CHRM5: variants seen among roughly 807,000 people sequenced by gnomAD.
CHRM5 encodes the protein muscarinic acetylcholine receptor M5.
In CHRM5, 18 loss-of-function variants were observed where a neutral mutation model predicts 39.0. The ratio of observed to expected loss-of-function variants is 0.46; its 90% CI spans 0.32 to 0.68. The LOEUF (loss-of-function observed/expected upper bound fraction) is 0.68, where lower values mean the gene tolerates loss of function less well. Ranked by LOEUF, CHRM5 falls within the 30% of genes least tolerant of loss-of-function variation. The pLI is 0.04. For synonymous variants in CHRM5, 241 were observed against 246.3 expected (o/e 0.98, Z 0.20); for missense variants, 515 against 651.1 (o/e 0.79, Z 2.28).
At position 34,003,336 on chromosome 15, in the gene CHRM5, T is replaced by A. The variant is rs1597336869; in HGVS notation, c.-408+34186T>A. ...CAATAGACCAAGCTGTCTGAAGATA[T>A]TAAATATTATTTTAAGAGAATCACA... On this transcript the variant is annotated intron_variant, in intron 1 of 2. Coordinates refer to ENST00000383263, the MANE Select transcript of CHRM5 (RefSeq NM_012125.4). 3 of 759,658 alleles carry A rather than the reference T, an allele frequency of 3.9e-6. No homozygotes were observed. The East Asian group carries it at 8.1e-5, about 21-fold the overall frequency. The allele number at this position is 759,658 out of a possible 1,614,324, so 47.1% of individuals were successfully genotyped here. A position where few individuals can be genotyped will look rare whatever the true frequency, so the allele number is the denominator to read the frequency against.
At chr15:34,019,129 C>A (rs57559713) in intron 1 of CHRM5, among the ~76,000 whole-genome samples, 3,279 of 152,314 alleles carry the variant, frequency 0.022, 112 homozygotes, top group African/African-American at 0.073. Context: ...TCTAGCTAGA[C>A]AGAAAAGTTC....
At chr15:33,984,792 G>C (rs572207358) in intron 1 of CHRM5, among the ~76,000 whole-genome samples, 4 of 152,222 alleles carry the variant, frequency 2.6e-5, no homozygotes, top group African/African-American at 7.2e-5. Context: ...ACAAACGTTA[G>C]TAGCAAACAT....
chr15:34,034,446 TAAAAA>T (rs34205777), intron 1 of CHRM5, among the ~76,000 whole-genome samples: 1 of 143,722 alleles, frequency 7.0e-6, no homozygotes, highest in Non-Finnish European at 1.5e-5. Flanking sequence ...GTTTCTTTTT[TAAAAA>T]AAAAAAAAAA....
chr15:34,045,688 AT>A (rs780282689), intron 1 of CHRM5, among the ~76,000 whole-genome samples: 70 of 152,116 alleles, frequency 4.6e-4, no homozygotes, highest in Middle Eastern at 3.4e-3. Context: ...AGGTTCAGGC[AT>A]AAAGCTTCTC....
At chr15:33,982,049 T>C (rs566567665) in intron 1 of CHRM5, among the ~76,000 whole-genome samples, 10 of 151,566 alleles carry the variant, frequency 6.6e-5, no homozygotes, top group African/African-American at 2.4e-4. Context: ...TTTTTATTAG[T>C]AGAGACAAGA....
At chr15:34,010,786 ACTAATT>A (rs1163018127) in intron 1 of CHRM5, among the ~76,000 whole-genome samples, 1 of 152,218 alleles carries the variant, frequency 6.6e-6, no homozygotes, top group Non-Finnish European at 1.5e-5. Flanking sequence ...GAAAAATAAT[ACTAATT>A]CAGCCCATTT....
intron 1 of CHRM5, among the ~76,000 whole-genome samples, chr15:34,031,180 T>TTC (rs1898785327): frequency 7.1e-6 from 1 of 140,138 alleles, no homozygotes; most frequent in Non-Finnish European, 1.5e-5. Flanking sequence ...TTTTTTTTTT[T>TTC]TTTTTTTTTT....
chr15:34,005,273 T>C (rs1211764771), intron 1 of CHRM5, among the ~76,000 whole-genome samples: 1 of 152,192 alleles, frequency 6.6e-6, no homozygotes, highest in African/African-American at 2.4e-5. Flanking sequence ...CCTATACAGC[T>C]GGTTTTTCCA....
At chr15:33,992,736 G>C (rs372755285) in intron 1 of CHRM5, among the ~76,000 whole-genome samples, 2 of 152,142 alleles carry the variant, frequency 1.3e-5, no homozygotes, top group African/African-American at 4.8e-5. Flanking sequence ...GAAAAGGTTC[G>C]AGGTTTAATT....
chr15:34,014,470 AAGAGCAACT>A, intron 1 of CHRM5, among the ~76,000 whole-genome samples: 1 of 152,120 alleles, frequency 6.6e-6, no homozygotes, highest in Middle Eastern at 3.4e-3. Context: ...AAAAAATACA[AAGAGCAACT>A]AGGGTAACAA....
chr15:34,062,359 T>C (rs1366362670), intron 2 of CHRM5, among the ~76,000 whole-genome samples: 2 of 151,700 alleles, frequency 1.3e-5, no homozygotes, highest in Non-Finnish European at 2.9e-5. Context: ...ATCGAGACCA[T>C]CCCGCCTAAC....
chr15:34,049,746 G>A (rs1159390901), intron 2 of CHRM5, among the ~76,000 whole-genome samples: 1 of 151,884 alleles, frequency 6.6e-6, no homozygotes, highest in Non-Finnish European at 1.5e-5. Flanking sequence ...ATTCTCCAAC[G>A]TTGAAATGAA....
intron 1 of CHRM5, among the ~76,000 whole-genome samples, chr15:34,009,948 T>TG (rs1897565657): frequency 1.3e-5 from 2 of 151,834 alleles, no homozygotes; most frequent in South Asian, 4.2e-4. Context: ...GGCAATGGAG[T>TG]GAAACCCTGT....
At chr15:34,013,651 A>G (rs918434950) in intron 1 of CHRM5, among the ~76,000 whole-genome samples, 8 of 152,232 alleles carry the variant, frequency 5.3e-5, no homozygotes, top group African/African-American at 1.7e-4. Context: ...TGTGGGAAAC[A>G]CGGAGAAGTA....
At chr15:34,038,457 G>A (rs1899260798) in intron 1 of CHRM5, among the ~76,000 whole-genome samples, 1 of 152,166 alleles carries the variant, frequency 6.6e-6, no homozygotes, top group African/African-American at 2.4e-5. Context: ...CCGGCCCACG[G>A]GCCGCCGAGA....
At position 34,065,943 on chromosome 15, in the gene CHRM5, T is replaced by A. The variant is rs1900499129; in HGVS notation, c.*1627T>A. The A allele has an allele frequency of 6.6e-6, 1 of 152,146 alleles. No individual in the cohort carries two copies. Among genetic ancestry groups the A allele is most frequent in the Admixed American group, 6.5e-5 (1 of 15,278 alleles). 9.4% of individuals were successfully genotyped at this position (152,146 alleles called of 1,614,324 possible). ...GCTAAGAGGATGGAAAATTAGCTGG[T>A]TTAGTTGTCCTGGGAATTAGATATG... is the stretch of plus-strand genomic sequence containing the variant. On this transcript the variant is annotated 3_prime_UTR_variant, in exon 3 of 3. Transcript: ENST00000383263.
At chr15:33,976,981 C>G (rs540317334) in intron 1 of CHRM5, among the ~76,000 whole-genome samples, 1 of 152,256 alleles carries the variant, frequency 6.6e-6, no homozygotes, top group African/African-American at 2.4e-5. Flanking sequence ...CAATTCCCAG[C>G]AGTGATTCCT....
intron 2 of CHRM5, among the ~76,000 whole-genome samples, chr15:34,047,459 G>T (rs1899750126): frequency 2.0e-5 from 3 of 152,212 alleles, no homozygotes; most frequent in Admixed American, 2.0e-4. Context: ...TAGGAAGAGG[G>T]CTGAAACCAG....
chr15:33,975,443 G>A (rs1426835093), intron 1 of CHRM5, among the ~76,000 whole-genome samples: 2 of 152,156 alleles, frequency 1.3e-5, no homozygotes, highest in Non-Finnish European at 2.9e-5. Context: ...TAAGACCTAG[G>A]ATTCAAATAA....
Sources: allele counts gnomAD v4.1 joint callset (sites outside exome capture counted in the v4.1 genomes callset), GRCh38; gene constraint gnomAD v4.1.1; transcripts MANE v1.5; gene names NCBI Gene and HGNC (gene_info 2026-07-23, HGNC 2026-07-21).